The following MYO10 variants were observed in gnomAD, a reference collection of about 807,000 sequenced individuals.
MYO10 encodes unconventional myosin-X.
A neutral mutation model predicts 257.3 loss-of-function variants in MYO10; 133 were observed. The observed-to-expected ratio is 0.52, with a 90% CI of 0.45 to 0.60. The LOEUF is 0.60. Ranked by LOEUF, MYO10 falls within the 20% of genes least tolerant of loss-of-function variation. The pLI is 0.00. For missense variants in MYO10, 2,399 were observed against 2,635.7 expected (o/e 0.91, Z 1.97); for synonymous variants, 1,104 against 1,028.6 (o/e 1.07, Z -1.40).
At chr5:16,909,284 G>A (rs974257144) in intron 1 of MYO10, among the ~76,000 whole-genome samples, 7 of 152,142 alleles carry the variant, frequency 4.6e-5, no homozygotes, top group East Asian at 1.9e-4. Flanking sequence ...CGAGGTGGGC[G>A]GATCACGAGG....
At chr5:16,869,366 C>A (rs1744383739) in intron 2 of MYO10, among the ~76,000 whole-genome samples, 1 of 151,768 alleles carries the variant, frequency 6.6e-6, no homozygotes, top group South Asian at 2.1e-4. Context: ...TGAGTCAGGT[C>A]ACCTGAGGCC....
chr5:16,816,575 G>A (rs954040902), intron 3 of MYO10, among the ~76,000 whole-genome samples: 2 of 149,630 alleles, frequency 1.3e-5, no homozygotes, highest in African/African-American at 4.9e-5. Context: ...GCTGTCGCCT[G>A]GTTGGAGTGC....
At chr5:16,878,302 G>A (rs957994729) in intron 1 of MYO10, among the ~76,000 whole-genome samples, 6 of 152,148 alleles carry the variant, frequency 3.9e-5, no homozygotes, top group South Asian at 2.1e-4. Context: ...CTCTCCAAAA[G>A]AGGAACTGAA....
chr5:16,866,815 T>C (rs925500018), intron 2 of MYO10, among the ~76,000 whole-genome samples: 1 of 152,208 alleles, frequency 6.6e-6, no homozygotes, highest in Admixed American at 6.5e-5. Flanking sequence ...ATGTTTGCAT[T>C]ATAAATGTGG....
chr5:16,762,480 G>T, intron 15 of MYO10, 65 bp downstream of exon 15: 1 of 1,279,436 alleles, frequency 7.8e-7, no homozygotes, highest in South Asian at 1.3e-5. Flanking sequence ...GACATGTCTG[G>T]TGTGTAATCC....
chr5:16,734,580 G>A (rs772875566), intron 19 of MYO10, among the ~76,000 whole-genome samples: 32 of 152,032 alleles, frequency 2.1e-4, no homozygotes, highest in Admixed American at 4.6e-4. Flanking sequence ...CAAGGTGGGC[G>A]GATCAACTGA....
chr5:16,692,740 A>G (rs1010378772), intron 27 of MYO10, among the ~76,000 whole-genome samples: 38 of 151,880 alleles, frequency 2.5e-4, no homozygotes, highest in African/African-American at 8.9e-4. Flanking sequence ...ACTCTTGCCC[A>G]TGATTGAAGT....
chr5:16,804,975 TC>T (rs1742228545), intron 3 of MYO10, among the ~76,000 whole-genome samples: 1 of 152,120 alleles, frequency 6.6e-6, no homozygotes, highest in Non-Finnish European at 1.5e-5. Context: ...GGACATCTTA[TC>T]TCCCCCATCT....
At chr5:16,850,162 T>C (rs1162486930) in intron 2 of MYO10, among the ~76,000 whole-genome samples, 2 of 152,250 alleles carry the variant, frequency 1.3e-5, no homozygotes, top group East Asian at 1.9e-4. Flanking sequence ...CCTGGAGATA[T>C]TAGGGAAAAT....
intron 1 of MYO10, among the ~76,000 whole-genome samples, chr5:16,890,145 T>C (rs995493954): frequency 6.6e-6 from 1 of 151,908 alleles, no homozygotes; most frequent in African/African-American, 2.4e-5. Context: ...TTCTATCACA[T>C]ATCGAAAACA....
intron 27 of MYO10, among the ~76,000 whole-genome samples, chr5:16,690,429 G>C (rs896714455): frequency 8.5e-5 from 13 of 152,152 alleles, no homozygotes; most frequent in Non-Finnish European, 1.8e-4. Flanking sequence ...CCTCTAGGGG[G>C]AGCCAGTCTC....
rs537878428 is a variant in MYO10, at chr5:16,777,134, A to C, written c.930+2411T>G. On this transcript the variant is annotated intron_variant, in intron 9 of 40. Transcript: ENST00000513610. ...GGCCAATATAAAATTGGAAAAGATAATTAAAATACTTAGAAAAACACTGCA... is the reference window on the plus strand; with the variant it reads ...GGCCAATATAAAATTGGAAAAGATACTTAAAATACTTAGAAAAACACTGCA... Among the ~76,000 whole-genome samples the C allele has an allele frequency of 3.9e-5, 6 of 152,346 alleles. No homozygotes were observed. The South Asian group carries it at 1.2e-3, about 32-fold the overall frequency.
Position 16,666,728 on chromosome 5 carries a change from C to T in MYO10, c.6141G>A (p.Thr2047=), listed in dbSNP as rs574488251. The change falls in exon 41 of 41, where the codon ACG becomes ACA. Residue 2047 remains threonine (T), a synonymous_variant. Coordinates refer to ENST00000513610, the MANE Select transcript of MYO10 (RefSeq NM_012334.3). ...ISMIVKKRYS[T]TRSASSQGSS... ...TGCCCTGGCTGCTGGCGGAGCGTGTCGTGCTGTAGCGCTTCTTCACGATCA... is the reference window on the plus strand; with the variant it reads ...TGCCCTGGCTGCTGGCGGAGCGTGTTGTGCTGTAGCGCTTCTTCACGATCA... 1.9e-5 allele frequency: 30 copies of T among 1,607,182 alleles called. No individual in the cohort carries two copies. The highest frequency in any genetic ancestry group is 1.1e-4 in the East Asian group (5 of 44,798).
rs1183703448 is a variant in MYO10 at position 16,757,316 on chromosome 5, G to GCACA, written c.1848+798_1848+801dup. Among the ~76,000 whole-genome samples, 6 of 81,034 alleles carry GCACA rather than the reference G, an allele frequency of 7.4e-5. No individual in the cohort carries two copies. The South Asian group carries it at 1.3e-3, about 17-fold the overall frequency. 53.2% of individuals were successfully genotyped at this position (81,034 alleles called of 152,430 possible). A position where few individuals can be genotyped will look rare whatever the true frequency, so the allele number is the denominator to read the frequency against. On this transcript the variant is annotated intron_variant, in intron 18 of 40. Coordinates refer to ENST00000513610, the MANE Select transcript of MYO10 (RefSeq NM_012334.3). ...CACACACACAAACACACACACACAC[G>GCACA]CACACACACACACACACACACACAC...
intron 1 of MYO10, among the ~76,000 whole-genome samples, chr5:16,886,035 G>A (rs948147986): frequency 1.3e-5 from 2 of 152,172 alleles, no homozygotes; most frequent in Non-Finnish European, 2.9e-5. Flanking sequence ...TCCTTGTCTT[G>A]AGACTACAGG....
At chr5:16,766,263 T>C in intron 10 of MYO10, 65 bp from the exon 11 acceptor site, 3 of 1,224,320 alleles carry the variant, frequency 2.5e-6, no homozygotes, top group Non-Finnish European at 3.6e-6. Context: ...GGCTTAGCGA[T>C]ACCTTAACGC....
chr5:16,698,619 T>C (rs1737871960), intron 26 of MYO10, among the ~76,000 whole-genome samples: 1 of 131,758 alleles, frequency 7.6e-6, no homozygotes, highest in African/African-American at 3.3e-5. Flanking sequence ...GGAGAGAACA[T>C]GCAGTTTTTT....
intron 33 of MYO10, among the ~76,000 whole-genome samples, chr5:16,677,103 A>C (rs1283329499): frequency 6.6e-6 from 1 of 152,186 alleles, no homozygotes; most frequent in Non-Finnish European, 1.5e-5. Context: ...CTATGCTCCT[A>C]AAATGGTCAT....
chr5:16,713,353 C>G, intron 19 of MYO10: 14 of 985,884 alleles, frequency 1.4e-5, no homozygotes, highest in Non-Finnish European at 1.7e-5. Flanking sequence ...CTCCAAGGGG[C>G]ATCTCACCTT....
Sources: allele counts gnomAD v4.1 joint callset (sites outside exome capture counted in the v4.1 genomes callset), GRCh38; gene constraint gnomAD v4.1.1; transcripts MANE v1.5; gene names NCBI Gene and HGNC (gene_info 2026-07-23, HGNC 2026-07-21).